CPB1: variants seen among roughly 807,000 people sequenced by gnomAD.
CPB1 encodes carboxypeptidase B.
Under a neutral mutation model 51.4 loss-of-function variants are expected in CPB1, and 53 were observed. The observed-to-expected ratio is 1.03, with a 90% CI of 0.83 to 1.30. The LOEUF (loss-of-function observed/expected upper bound fraction) is 1.30, where lower values mean the gene tolerates loss of function less well. CPB1 is among the 50% of genes most tolerant of loss of function. The pLI, the probability that CPB1 is intolerant of heterozygous loss-of-function variation, is 0.00. For missense variants in CPB1, 494 were observed against 516.2 expected, an observed-to-expected ratio of 0.96 and a Z score of 0.42; for synonymous variants, 189 against 186.9, an observed-to-expected ratio of 1.01 and a Z score of -0.09.
chr3:148,841,235 G>A (rs960546621), intron 5 of CPB1, among the ~76,000 whole-genome samples: 2 of 152,150 alleles, frequency 1.3e-5, no homozygotes, highest in Admixed American at 6.5e-5. Context: ...TGTAAGCAAC[G>A]TAAATGATTA....
At chr3:148,856,532 T>C (rs1465370209) in intron 9 of CPB1, 1 of 152,236 alleles carries the variant, frequency 6.6e-6, no homozygotes, top group African/African-American at 2.4e-5. Context: ...GTATGAAATA[T>C]AGCCGGTTTC....
rs201086092 is a variant in CPB1 at position 148,834,572 on chromosome 3, A to G, written c.222A>G (p.Glu74=). 4 of 1,613,384 alleles carry G rather than the reference A, an allele frequency of 2.5e-6. No individual in the cohort carries two copies. Among genetic ancestry groups the G allele is most frequent in the East Asian group, 4.5e-5 (2 of 44,864 alleles). The change falls in exon 3 of 11, where the codon GAA becomes GAG. Residue 74 remains glutamate, a synonymous_variant. Coordinates refer to ENST00000282957, the MANE Select transcript of CPB1 (RefSeq NM_001871.3). ...HSTVDFRVKA[E]DTVTVENVLK... The stretch of plus-strand genomic sequence containing the variant: ...CAGTTGACTTCCGTGTTAAAGCAGA[A>G]GATACTGTCACTGTGGAGAATGTTC...
chr3:148,837,474 G>C (rs1712937465), intron 3 of CPB1, among the ~76,000 whole-genome samples: 1 of 128,934 alleles, frequency 7.8e-6, no homozygotes, highest in African/African-American at 3.0e-5. Flanking sequence ...ATTTGCTTGT[G>C]TGTTAGAAAA....
intron 8 of CPB1, 94 bp downstream of exon 8, chr3:148,844,861 GT>G: frequency 1.9e-6 from 2 of 1,070,660 alleles, no homozygotes; most frequent in South Asian, 1.5e-5. Flanking sequence ...AAAAAAGCAA[GT>G]TTTATATTTT....
intron 9 of CPB1, chr3:148,857,099 G>A (rs1170999521): frequency 4.3e-5 from 2 of 47,050 alleles, no homozygotes; most frequent in African/African-American, 2.5e-4. Context: ...TGTTTTCTTT[G>A]CGTTTTTGCA....
chr3:148,832,360 C>T (rs529410471), intron 2 of CPB1, among the ~76,000 whole-genome samples: 17 of 152,164 alleles, frequency 1.1e-4, no homozygotes, highest in Admixed American at 3.3e-4. Context: ...ACACAAGGTT[C>T]TGCTAGAACC....
chr3:148,830,090 C>T (rs1389411167), intron 2 of CPB1, among the ~76,000 whole-genome samples: 1 of 152,178 alleles, frequency 6.6e-6, no homozygotes, highest in Non-Finnish European at 1.5e-5. Flanking sequence ...CCAGAGACCA[C>T]AGCTTCCTTT....
At chr3:148,851,334 C>CAAAAAAAAA (rs59423779) in intron 9 of CPB1, 7 of 82,070 alleles carry the variant, frequency 8.5e-5, no homozygotes, top group African/African-American at 9.3e-5. Flanking sequence ...GACCCTGTCT[C>CAAAAAAAAA]AAAAAAAAAA....
chr3:148,841,716 C>A, intron 5 of CPB1, 107 bp from the exon 6 acceptor site: 2 of 718,098 alleles, frequency 2.8e-6, no homozygotes, highest in Non-Finnish European at 4.8e-6. Context: ...GCTCTTGCTG[C>A]TGTCGGGTTT....
intron 3 of CPB1, among the ~76,000 whole-genome samples, chr3:148,839,152 A>G (rs1712999547): frequency 6.6e-6 from 1 of 152,212 alleles, no homozygotes; most frequent in Non-Finnish European, 1.5e-5. Flanking sequence ...GAGAGGGAGA[A>G]GAGGTCACAG....
chr3:148,848,602 A>T (rs1236373008), intron 9 of CPB1, among the ~76,000 whole-genome samples: 2 of 152,210 alleles, frequency 1.3e-5, no homozygotes, highest in Admixed American at 6.5e-5. Context: ...TAGCATTTTC[A>T]GCCCAAACTT....
chr3:148,837,578 G>A (rs1407528553), intron 3 of CPB1, among the ~76,000 whole-genome samples: 1 of 151,832 alleles, frequency 6.6e-6, no homozygotes, highest in East Asian at 1.9e-4. Flanking sequence ...GAGCTGTGAG[G>A]CATTGTTTTA....
intron 9 of CPB1, among the ~76,000 whole-genome samples, chr3:148,845,926 T>C (rs914790375): frequency 2.9e-4 from 44 of 152,198 alleles, no homozygotes; most frequent in Non-Finnish European, 6.3e-4. Flanking sequence ...CAGATGCATA[T>C]GAGATAATCA....
chr3:148,836,459 C>T (rs532602222), intron 3 of CPB1, among the ~76,000 whole-genome samples: 17 of 152,244 alleles, frequency 1.1e-4, no homozygotes, highest in South Asian at 1.0e-3. Flanking sequence ...CAAAGATCAG[C>T]GACCATAGAT....
At chr3:148,854,740 C>A (rs969141634) in intron 9 of CPB1, 1 of 152,166 alleles carries the variant, frequency 6.6e-6, no homozygotes, top group Admixed American at 6.5e-5. Context: ...AATGAATAGC[C>A]AACAATTCCT....
chr3:148,834,736 C>A, intron 3 of CPB1, 114 bp downstream of exon 3: 1 of 966,308 alleles, frequency 1.0e-6, no homozygotes, highest in Non-Finnish European at 1.5e-6. Flanking sequence ...TTCCCCAGGA[C>A]CCCACAAATA....
intron 9 of CPB1, among the ~76,000 whole-genome samples, chr3:148,847,377 A>G (rs1713288118): frequency 6.7e-6 from 1 of 148,174 alleles, no homozygotes; most frequent in African/African-American, 2.5e-5. Context: ...ATTCTTAAAA[A>G]AAAAAAAAAA....
At chr3:148,847,637 G>A (rs1713297464) in intron 9 of CPB1, among the ~76,000 whole-genome samples, 1 of 152,032 alleles carries the variant, frequency 6.6e-6, no homozygotes, top group Non-Finnish European at 1.5e-5. Flanking sequence ...TCAAAATCCT[G>A]TCCTCCAAAA....
At chr3:148,830,684 A>C (rs548351954) in intron 2 of CPB1, among the ~76,000 whole-genome samples, 2 of 152,254 alleles carry the variant, frequency 1.3e-5, no homozygotes, top group Admixed American at 6.5e-5. Context: ...TTTCTGTTTA[A>C]ATCATAACAT....
Sources: allele counts gnomAD v4.1 joint callset (sites outside exome capture counted in the v4.1 genomes callset), GRCh38; gene constraint gnomAD v4.1.1; transcripts MANE v1.5; gene names NCBI Gene and HGNC (gene_info 2026-07-23, HGNC 2026-07-21).